PATJ: variants seen among roughly 807,000 people sequenced by gnomAD.
PATJ encodes the protein inaD-like protein.
PATJ carries 190 observed loss-of-function variants against 224.9 expected under a neutral mutation model. The ratio of observed to expected loss-of-function variants is 0.84; its 90% confidence interval spans 0.75 to 0.95. The LOEUF is 0.95. Among genes scored for constraint, PATJ ranks in the 40% least tolerant of loss-of-function variants. PATJ has a pLI of 0.00. For synonymous variants in PATJ, 769 were observed against 820.3 expected (o/e 0.94, Z 1.07); for missense variants, 2,121 against 2,270.3 (o/e 0.93, Z 1.34).
chr1:61,992,338 G>T (rs944019085), intron 28 of PATJ, among the ~76,000 whole-genome samples: 1 of 151,954 alleles, frequency 6.6e-6, no homozygotes, highest in African/African-American at 2.4e-5. Context: ...GGGTGGTCTC[G>T]AACTCCCGAC....
At chr1:61,894,353 G>A (rs979884653) in intron 22 of PATJ, among the ~76,000 whole-genome samples, 5 of 152,114 alleles carry the variant, frequency 3.3e-5, no homozygotes, top group Admixed American at 2.0e-4. Flanking sequence ...AAAAGACAAG[G>A]TACAATCTGA....
At chr1:61,883,881 T>C (rs1668442510) in intron 21 of PATJ, among the ~76,000 whole-genome samples, 1 of 147,392 alleles carries the variant, frequency 6.8e-6, no homozygotes, top group South Asian at 2.1e-4. Context: ...TTTTTTTAAA[T>C]CAGTGAAATG....
intron 27 of PATJ, among the ~76,000 whole-genome samples, chr1:61,981,064 T>C (rs1644424159): frequency 1.3e-5 from 2 of 152,032 alleles, no homozygotes; most frequent in Non-Finnish European, 2.9e-5. Context: ...GGGAAATCTA[T>C]TATGCAATCA....
Position 62,088,027 on chromosome 1 carries a change from G to T in PATJ, c.4377+3379G>T, listed in dbSNP as rs922784365. Among the ~76,000 whole-genome samples, 3 of 151,566 alleles carry T rather than the reference G, an allele frequency of 2.0e-5. No homozygotes were observed. The Admixed American group carries it at 2.0e-4, about 10-fold the overall frequency. On this transcript the variant is annotated intron_variant, in intron 33 of 43. Coordinates refer to ENST00000642238, the MANE Select transcript of PATJ (RefSeq NM_001350145.3). ...CTGCCTCAGCCTCCTGAGTAGCTGG[G>T]ATTACAGGCATGCACCACCATGACT...
At chr1:62,106,135 C>CGTGTGTGTGT (rs1558176269) in intron 33 of PATJ, among the ~76,000 whole-genome samples, 1 of 50,796 alleles carries the variant, frequency 2.0e-5, no homozygotes, top group African/African-American at 6.8e-5. Context: ...CACATATATA[C>CGTGTGTGTGT]ATGTGTATAT....
chr1:61,831,145 G>A (rs1272604003), intron 16 of PATJ, among the ~76,000 whole-genome samples: 72 of 145,488 alleles, frequency 4.9e-4, no homozygotes, highest in Non-Finnish European at 9.4e-4. Flanking sequence ...CTGAGATGGC[G>A]CCACTGCACT....
chr1:62,048,777 GAAATGCTCCAAATTCT>G (rs1653044330), intron 30 of PATJ, among the ~76,000 whole-genome samples: 1 of 152,100 alleles, frequency 6.6e-6, no homozygotes, highest in South Asian at 2.1e-4. Context: ...TTTGAAGTTA[GAAATGCTCCAAATTCT>G]GAAACTTGTT....
Position 62,122,966 on chromosome 1 carries a change from T to C in PATJ, c.5006-55T>C, listed in dbSNP as rs1047577483. ...CCATTTTTCATGGGGCAATATTATA[T>C]GCTAAATATATTATTTTTTAATATT... On this transcript the variant is annotated intron_variant, in intron 38 of 43. Transcript: ENST00000642238. 5 of 1,174,918 alleles carry C rather than the reference T, an allele frequency of 4.3e-6. No homozygotes were observed. In the Admixed American group the frequency reaches 8.1e-5, roughly 19 times the overall value. The allele number at this position is 1,174,918 out of a possible 1,614,324, so 72.8% of individuals were successfully genotyped here.
chr1:61,766,981 T>C (rs1484416046), intron 4 of PATJ, among the ~76,000 whole-genome samples: 4 of 151,998 alleles, frequency 2.6e-5, no homozygotes, highest in African/African-American at 4.8e-5. Context: ...TAATCCCAGA[T>C]AGTTGGGAGG....
intron 7 of PATJ, among the ~76,000 whole-genome samples, chr1:61,784,178 G>A (rs1282088290): frequency 6.6e-6 from 1 of 152,030 alleles, no homozygotes; most frequent in Non-Finnish European, 1.5e-5. Flanking sequence ...AAGAATCTAT[G>A]GATTAATAAA....
chr1:61,934,891 C>T (rs933912873), intron 27 of PATJ, among the ~76,000 whole-genome samples: 3 of 152,150 alleles, frequency 2.0e-5, no homozygotes, highest in African/African-American at 4.8e-5. Context: ...TCTGCCGAAC[C>T]GCACCATCCA....
chr1:61,990,361 A>G lies in PATJ; in HGVS notation c.3864A>G (p.Leu1288=), dbSNP rs750247859. Residue 1288 remains leucine, a synonymous_variant, in exon 28 of 44, where the codon TTA becomes TTG. Transcript: ENST00000642238. The part of the protein sequence containing the change: ...DGRMRIGDEL[L]EINNQILYGR... ...GAATGCGTATTGGAGATGAACTCTT[A>G]GAGGTGAGAAGCATGTGTTTTTAAC... 1.9e-6 allele frequency: 3 copies of G among 1,607,166 alleles called. No homozygotes were observed. The African/African-American group carries it at 4.0e-5, about 22-fold the overall frequency.
chr1:61,842,827 T>A (rs1017798754), intron 17 of PATJ, among the ~76,000 whole-genome samples: 2 of 151,822 alleles, frequency 1.3e-5, no homozygotes, highest in African/African-American at 4.8e-5. Flanking sequence ...AGGTGTTTCA[T>A]CACCAGTCTT....
chr1:61,896,754 C>G (rs2498993), intron 22 of PATJ, among the ~76,000 whole-genome samples: 2,299 of 152,210 alleles, frequency 0.015, 57 homozygotes, highest in African/African-American at 0.052. Flanking sequence ...ATGTTGTTCT[C>G]ATGAGAGTGA....
intron 26 of PATJ, among the ~76,000 whole-genome samples, chr1:61,925,420 C>G (rs976553101): frequency 5.9e-5 from 9 of 152,146 alleles, no homozygotes; most frequent in Non-Finnish European, 8.8e-5. Context: ...TTCATTTATT[C>G]CTACTATCAG....
intron 28 of PATJ, among the ~76,000 whole-genome samples, chr1:62,001,774 C>T (rs1645789429): frequency 1.3e-5 from 2 of 151,954 alleles, no homozygotes; most frequent in South Asian, 2.1e-4. Context: ...TTACCTTAGG[C>T]AGTATGGCCA....
chr1:61,977,610 T>TG (rs1383274724), intron 27 of PATJ, among the ~76,000 whole-genome samples: 1 of 151,822 alleles, frequency 6.6e-6, no homozygotes, highest in Non-Finnish European at 1.5e-5. Context: ...AGGGGTTGAG[T>TG]GGGGGGCTCC....
intron 20 of PATJ, 93 bp downstream of exon 20, chr1:61,864,726 T>A (rs1190880699): frequency 1.2e-5 from 14 of 1,171,632 alleles, no homozygotes; most frequent in Non-Finnish European, 1.5e-5. Context: ...TTGTTTGTTT[T>A]TAAATGGGCC....
At chr1:62,096,162 A>C (rs913582464) in intron 33 of PATJ, among the ~76,000 whole-genome samples, 1 of 152,222 alleles carries the variant, frequency 6.6e-6, no homozygotes, top group Non-Finnish European at 1.5e-5. Flanking sequence ...TGGCAAGCAA[A>C]ACAACATGAA....
Sources: gnomAD v4.1 joint callset for allele counts (sites outside exome capture counted in the v4.1 genomes callset) on GRCh38, gnomAD v4.1.1 for gene constraint, MANE v1.5 for transcripts, NCBI Gene and HGNC (gene_info 2026-07-23, HGNC 2026-07-21) for gene names.